FHDC1: variants seen among roughly 807,000 people sequenced by gnomAD.
The protein encoded by FHDC1 is FH2 domain-containing protein 1.
FHDC1 carries 25 observed loss-of-function variants against 52.6 expected under a neutral mutation model. The observed-to-expected ratio is 0.48, with a 90% CI of 0.35 to 0.66. The LOEUF is 0.66. Ranked by LOEUF, FHDC1 falls within the 30% of genes least tolerant of loss-of-function variation. FHDC1 has a pLI of 0.01. For missense variants in FHDC1, 1,459 were observed against 1,452.8 expected (o/e 1.00, Z -0.07); for synonymous variants, 616 against 581.5 (o/e 1.06, Z -0.85).
At chr4:152,913,110 A>G in the FHDC1 span, among the ~76,000 whole-genome samples, 1 of 152,218 alleles carries the variant, frequency 6.6e-6, no homozygotes, top group African/African-American at 2.4e-5. Context: ...ATATACTTCA[A>G]TTCCCCTTTA....
In FHDC1 at chr4:152,979,446, G is replaced by A. The variant is rs1321578476; in HGVS notation, c.*2723G>A. Reference sequence around the variant, plus strand: ...TAAGCTGTGTTTCCTGGGAAGTGGTGCTTTACTTAGCCCTGTGGACAACTT... The same window carrying A: ...TAAGCTGTGTTTCCTGGGAAGTGGTACTTTACTTAGCCCTGTGGACAACTT... On this transcript the variant is annotated 3_prime_UTR_variant, in exon 12 of 12. Transcript: ENST00000511601. 2 of 152,206 alleles carry A rather than the reference G, an allele frequency of 1.3e-5. No individual in the cohort carries two copies. The highest frequency in any genetic ancestry group is 1.3e-4 in the Admixed American group (2 of 15,284). The allele number at this position is 152,206 out of a possible 1,614,324, so 9.4% of individuals were successfully genotyped here.
intron 1 of FHDC1, among the ~76,000 whole-genome samples, chr4:152,941,267 C>T (rs992641394): frequency 1.3e-5 from 2 of 152,182 alleles, no homozygotes; most frequent in Admixed American, 6.5e-5. Context: ...CTCTCACAAA[C>T]TTTGATAGCA....
At chr4:152,960,722 G>C in intron 5 of FHDC1, 22 bp from the exon 6 acceptor site, 5 of 1,611,420 alleles carry the variant, frequency 3.1e-6, no homozygotes, top group Non-Finnish European at 4.2e-6. Context: ...AAATTCTACA[G>C]TTTTACTTTT....
At chr4:152,919,372 T>A in the FHDC1 span, among the ~76,000 whole-genome samples, 1 of 152,180 alleles carries the variant, frequency 6.6e-6, no homozygotes, top group Non-Finnish European at 1.5e-5. Flanking sequence ...TGGTTGAGGA[T>A]GGAGGCAGCC....
Position 152,976,422 on chromosome 4 carries a change from C to T in FHDC1, c.3131C>T (p.Ser1044Phe). 1 of 1,613,774 alleles carries T rather than the reference C, an allele frequency of 6.2e-7. No individual in the cohort carries two copies. Among genetic ancestry groups the T allele is most frequent in the East Asian group, 2.2e-5 (1 of 44,858 alleles). Residue 1044 changes from serine (S) to phenylalanine (F), a missense_variant, in exon 12 of 12, where the codon TCT (serine) becomes TTT (phenylalanine). Ser to Phe is a radical substitution (Grantham distance 155). Coordinates refer to ENST00000511601, the MANE Select transcript of FHDC1 (RefSeq NM_001371116.1). The part of the protein sequence containing the change: ...SFARNTVASS[S>F]RSMRTDLPPV... The stretch of plus-strand genomic sequence containing the variant: ...GCCCGGAACACAGTGGCCTCCTCCT[C>T]TCGAAGCATGAGAACAGATCTTCCT...
Position 152,943,267 on chromosome 4 carries a change from TCCCA to T in FHDC1, c.211_214del (p.Pro71SerfsTer14). ...CACCACCTCCACTTCCTGGGGAGCC[TCCCA>T]TCCCACCTCCCCCACCAGGCCTACC... On this transcript the variant is annotated frameshift_variant, in exon 2 of 12. Coordinates refer to ENST00000511601, the MANE Select transcript of FHDC1 (RefSeq NM_001371116.1). LOFTEE classifies it high-confidence loss of function. 1 of 1,176,482 alleles carries T rather than the reference TCCCA, an allele frequency of 8.5e-7. No individual in the cohort carries two copies. Among genetic ancestry groups the T allele is most frequent in the Non-Finnish European group, 1.1e-6 (1 of 909,536 alleles). The allele number at this position is 1,176,482 out of a possible 1,614,324, so 72.9% of individuals were successfully genotyped here.
Position 152,943,041 on chromosome 4 carries a change from T to C in FHDC1, c.-17T>C, listed in dbSNP as rs374340399. 5 of 1,592,104 alleles carry C rather than the reference T, an allele frequency of 3.1e-6. No individual in the cohort carries two copies. Among genetic ancestry groups the C allele is most frequent in the Non-Finnish European group, 4.3e-6 (5 of 1,166,338 alleles). On this transcript the variant is annotated 5_prime_UTR_variant, in exon 2 of 12. Coordinates refer to ENST00000511601, the MANE Select transcript of FHDC1 (RefSeq NM_001371116.1). ...CTCCAAGGCCAAGAAATTATCTCCA[T>C]AGGAGGCAACAGTACTATGCATGTT...
chr4:152,919,749 G>T, the FHDC1 span, among the ~76,000 whole-genome samples: 1 of 152,004 alleles, frequency 6.6e-6, no homozygotes, highest in African/African-American at 2.4e-5. Flanking sequence ...TTTTGATTTA[G>T]AGGCCAGTCT....
At chr4:152,952,950 G>A (rs184146115) in intron 2 of FHDC1, among the ~76,000 whole-genome samples, 4 of 152,216 alleles carry the variant, frequency 2.6e-5, no homozygotes, top group Non-Finnish European at 4.4e-5. Flanking sequence ...TGGACAACAT[G>A]GTGAAACTCC....
At chr4:152,968,711 C>T (rs981704298) in intron 10 of FHDC1, among the ~76,000 whole-genome samples, 13 of 152,214 alleles carry the variant, frequency 8.5e-5, no homozygotes, top group African/African-American at 2.7e-4. Flanking sequence ...TTGCAGTTTA[C>T]TGTGGTGAAC....
At chr4:152,927,097 T>C in the FHDC1 span, among the ~76,000 whole-genome samples, 1 of 152,222 alleles carries the variant, frequency 6.6e-6, no homozygotes, top group Non-Finnish European at 1.5e-5. Flanking sequence ...CTGCCTTCCA[T>C]TGTCATGGAA....
At chr4:152,932,368 C>G (rs899847281), upstream of FHDC1, among the ~76,000 whole-genome samples, 7 of 151,454 alleles carry the variant, frequency 4.6e-5, no homozygotes, top group Non-Finnish European at 8.8e-5. Flanking sequence ...TGTCACTGTA[C>G]TCTAGCCTGG....
At chr4:152,953,296 C>A (rs1307521084) in intron 2 of FHDC1, among the ~76,000 whole-genome samples, 1 of 151,946 alleles carries the variant, frequency 6.6e-6, no homozygotes, top group East Asian at 1.9e-4. Flanking sequence ...AAATATAATA[C>A]CACTGTAGAA....
At chr4:152,934,308 G>C (rs909854717), upstream of FHDC1, among the ~76,000 whole-genome samples, 1 of 152,190 alleles carries the variant, frequency 6.6e-6, no homozygotes, top group Non-Finnish European at 1.5e-5. Context: ...TAGGTAAAGA[G>C]GGGGAGGTGG....
intron 6 of FHDC1, 94 bp downstream of exon 6, chr4:152,960,938 C>T (rs1164615297): frequency 2.4e-6 from 2 of 819,674 alleles, no homozygotes; most frequent in Middle Eastern, 3.7e-4. Flanking sequence ...ATGGAAAGTC[C>T]TGAATTTCTG....
chr4:152,966,257 A>G (rs940450348), intron 9 of FHDC1, among the ~76,000 whole-genome samples: 2 of 152,206 alleles, frequency 1.3e-5, no homozygotes, highest in Non-Finnish European at 2.9e-5. Context: ...TTTATTTGAA[A>G]TGGAAGGTGA....
chr4:152,939,588 C>T (rs1270800893), intron 1 of FHDC1, among the ~76,000 whole-genome samples: 2 of 152,116 alleles, frequency 1.3e-5, no homozygotes, highest in Non-Finnish European at 2.9e-5. Flanking sequence ...AAGTTAAGTA[C>T]GTGATCACAG....
At position 152,975,748 on chromosome 4, in the gene FHDC1, A is replaced by C. The variant is rs756080401; in HGVS notation, c.2457A>C (p.Gln819His). 6.3e-7 allele frequency: 1 copy of C among 1,583,876 alleles called. No individual in the cohort carries two copies. The highest frequency in any genetic ancestry group is 1.3e-5 in the African/African-American group (1 of 74,394). The change falls in exon 12 of 12, where the codon CAA (glutamine) becomes CAC (histidine). Residue 819 changes from glutamine (Q) to histidine (H), a missense_variant. Gln to His is a conservative substitution (Grantham distance 24). Transcript: ENST00000511601. ...GGGTTGGAGAAATGGGGGACAGCCA[A>C]GTCTCCTCCAACCCTACATCCAGCC... ...SSGVGEMGDS[Q>H]VSSNPTSSPP... is the part of the protein sequence containing the mutation.
Position 152,936,385 on chromosome 4 carries a change from G to C in FHDC1, c.-155G>C, listed in dbSNP as rs112807984. ...GGGAGGCTGCAGCGGTCTGCGCGCC[G>C]GGAGCGGGGGCGCGCTGGCCGCGGG... On this transcript the variant is annotated 5_prime_UTR_variant, in exon 1 of 12. Coordinates refer to ENST00000511601, the MANE Select transcript of FHDC1 (RefSeq NM_001371116.1). 3,683 of 152,286 alleles carry C rather than the reference G, an allele frequency of 0.024. 102 individuals carry two copies. Among genetic ancestry groups the C allele is most frequent in the African/African-American group, 0.069 (2,852 of 41,508 alleles). 9.4% of individuals were successfully genotyped at this position (152,286 alleles called of 1,614,324 possible). A position where few individuals can be genotyped will look rare whatever the true frequency, so the allele number is the denominator to read the frequency against.
Sources: allele counts gnomAD v4.1 joint callset (sites outside exome capture counted in the v4.1 genomes callset), GRCh38; gene constraint gnomAD v4.1.1; transcripts MANE v1.5; gene names NCBI Gene and HGNC (gene_info 2026-07-23, HGNC 2026-07-21).